Variants in CSPP1 observed in about 807,000 individuals in gnomAD.
CSPP1 encodes centrosome and spindle pole associated protein 1, also known as centrosome and spindle pole-associated protein 1.
A neutral mutation model predicts 164.4 loss-of-function variants in CSPP1; 126 were observed. That is an observed-to-expected ratio of 0.77 (90% confidence interval 0.66 to 0.89). The LOEUF is 0.89. Ranked by LOEUF, CSPP1 falls within the 40% of genes least tolerant of loss-of-function variation. CSPP1 has a pLI of 0.00. For synonymous variants in CSPP1, 472 were observed against 476.7 expected (o/e 0.99, Z 0.13); for missense variants, 1,395 against 1,449.8 (o/e 0.96, Z 0.61).
chr8:67,100,830 T>C (rs1813930369), intron 7 of CSPP1, among the ~76,000 whole-genome samples: 1 of 149,694 alleles, frequency 6.7e-6, no homozygotes, highest in South Asian at 2.1e-4. Flanking sequence ...TTATATGTAA[T>C]TTTTTTTTGG....
At chr8:67,107,572 T>C (rs1815840657) in intron 9 of CSPP1, among the ~76,000 whole-genome samples, 1 of 152,184 alleles carries the variant, frequency 6.6e-6, no homozygotes, top group Non-Finnish European at 1.5e-5. Flanking sequence ...ATGACTTACC[T>C]CCTGGTTGAT....
Position 67,195,738 on chromosome 8 carries a change from A to G in CSPP1, c.*145A>G, listed in dbSNP as rs933454236. 2 of 629,570 alleles carry G rather than the reference A, an allele frequency of 3.2e-6. No homozygotes were observed. Among genetic ancestry groups the G allele is most frequent in the South Asian group, 2.1e-5 (1 of 48,128 alleles). The allele number at this position is 629,570 out of a possible 1,614,324, so 39.0% of individuals were successfully genotyped here. On this transcript the variant is annotated 3_prime_UTR_variant, in exon 31 of 31. Coordinates refer to ENST00000678616, the MANE Select transcript of CSPP1 (RefSeq NM_001382391.1). ...TATAAAATTATTTTTATCATGATGT[A>G]TATTATGTACATAAATAAAAGGCCA... is the stretch of plus-strand genomic sequence containing the variant.
chr8:67,118,464 C>A, intron 14 of CSPP1, 95 bp downstream of exon 14: 2 of 1,289,236 alleles, frequency 1.6e-6, no homozygotes, highest in Non-Finnish European at 2.2e-6. Flanking sequence ...ATGAGAAAAG[C>A]ACAACTTTGC....
intron 7 of CSPP1, among the ~76,000 whole-genome samples, chr8:67,101,365 C>G (rs1814082631): frequency 6.6e-6 from 1 of 152,170 alleles, no homozygotes; most frequent in South Asian, 2.1e-4. Flanking sequence ...CAGGTGCCAG[C>G]CAAGGGTCAA....
intron 9 of CSPP1, among the ~76,000 whole-genome samples, chr8:67,111,098 A>G (rs973568686): frequency 6.6e-6 from 1 of 152,230 alleles, no homozygotes; most frequent in Non-Finnish European, 1.5e-5. Context: ...TAATGAAGGC[A>G]GTACAGAAAT....
rs1813441927 is a variant in CSPP1, at chr8:67,098,976, A to T, written c.923+3244A>T. On this transcript the variant is annotated intron_variant, in intron 7 of 30. Transcript: ENST00000678616. ...TCATTAGCTTCTTTTTTTTTTTTTAAAGATTAACATGTGTTCATTTTTAGG... is the reference window on the plus strand; with the variant it reads ...TCATTAGCTTCTTTTTTTTTTTTTATAGATTAACATGTGTTCATTTTTAGG... Among the ~76,000 whole-genome samples the T allele has an allele frequency of 2.0e-5, 3 of 151,592 alleles. No homozygotes were observed. In the South Asian group the frequency reaches 6.2e-4, roughly 31 times the overall value.
intron 20 of CSPP1, 73 bp downstream of exon 20, chr8:67,158,669 T>C: frequency 6.7e-7 from 1 of 1,492,870 alleles, no homozygotes; most frequent in Non-Finnish European, 8.9e-7. Flanking sequence ...AAGGTATTTC[T>C]TACTTATAAA....
chr8:67,095,670 T>TGA lies in CSPP1; in HGVS notation c.865_866dup (p.Phe290GlyfsTer39). 1 of 1,612,668 alleles carries TGA rather than the reference T, an allele frequency of 6.2e-7. No homozygotes were observed. The highest frequency in any genetic ancestry group is 8.5e-7 in the Non-Finnish European group (1 of 1,179,358). ...ATCCTGAAGTAAGTGAAGAAATGGA[T>TGA]GAGAGGTTTAGATATGAAAGTGATT... On this transcript the variant is annotated frameshift_variant, in exon 7 of 31. Transcript: ENST00000678616. LOFTEE classifies it high-confidence loss of function.
intron 15 of CSPP1, among the ~76,000 whole-genome samples, chr8:67,121,294 A>G (rs189997046): frequency 6.6e-6 from 1 of 152,276 alleles, no homozygotes; most frequent in African/African-American, 2.4e-5. Flanking sequence ...ACTGTTGTGT[A>G]TGATGTTTGC....
chr8:67,159,957 C>CCTTCCTTCT (rs1554605789), intron 21 of CSPP1, among the ~76,000 whole-genome samples: 5 of 20,020 alleles, frequency 2.5e-4, no homozygotes, highest in East Asian at 1.5e-3. Flanking sequence ...TTCCTTCCTT[C>CCTTCCTTCT]TTTCTTTTCT....
intron 1 of CSPP1, among the ~76,000 whole-genome samples, chr8:67,068,003 C>T (rs1296636698): frequency 6.6e-6 from 1 of 152,028 alleles, no homozygotes; most frequent in Non-Finnish European, 1.5e-5. Context: ...AGGTGTGCCA[C>T]CATGCCTGGC....
intron 28 of CSPP1, among the ~76,000 whole-genome samples, chr8:67,183,300 A>G (rs1385597869): frequency 6.6e-6 from 1 of 152,264 alleles, no homozygotes; most frequent in Non-Finnish European, 1.5e-5. Flanking sequence ...CCAACTGGAT[A>G]TAATGGATGT....
chr8:67,163,763 C>T lies in CSPP1; in HGVS notation c.2675C>T (p.Pro892Leu), dbSNP rs779762140. Residue 892 changes from proline to leucine, a missense_variant, in exon 23 of 31, where the codon CCG becomes CTG. Transcript: ENST00000678616. ...TCCATGTCCAGGGCACAGTCACCCC[C>T]GGTACCTGCCAGGAAAAATCAGCTC... ...ESSMSRAQSP[P>L]VPARKNQLRA... 3.5e-5 allele frequency: 57 copies of T among 1,613,548 alleles called. No homozygotes were observed. The East Asian group carries it at 4.5e-4, about 13-fold the overall frequency.
At chr8:67,067,327 A>T (rs1404818048) in intron 1 of CSPP1, among the ~76,000 whole-genome samples, 1 of 152,226 alleles carries the variant, frequency 6.6e-6, no homozygotes, top group East Asian at 1.9e-4. Flanking sequence ...GCTTATATCT[A>T]TATGATAAGC....
chr8:67,163,668 C>T, intron 22 of CSPP1, 64 bp from the exon 23 acceptor site: 1 of 1,194,028 alleles, frequency 8.4e-7, no homozygotes, highest in Non-Finnish European at 1.2e-6. Context: ...CAAAAAATTA[C>T]TCCCTTCAAG....
At chr8:67,106,361 A>G (rs1815529992) in intron 9 of CSPP1, among the ~76,000 whole-genome samples, 1 of 151,914 alleles carries the variant, frequency 6.6e-6, no homozygotes, top group African/African-American at 2.4e-5. Flanking sequence ...ATATTTTATT[A>G]GCACTCTGTT....
At chr8:67,158,647 C>A (rs1198570907) in intron 20 of CSPP1, 51 bp downstream of exon 20, 1 of 1,512,206 alleles carries the variant, frequency 6.6e-7, no homozygotes, top group African/African-American at 1.4e-5. Flanking sequence ...AAGGTGAAAT[C>A]TTTGACTTGA....
chr8:67,089,547 A>T (rs916822976), intron 4 of CSPP1, among the ~76,000 whole-genome samples: 1 of 152,148 alleles, frequency 6.6e-6, no homozygotes, highest in Non-Finnish European at 1.5e-5. Context: ...TTTTTGTCAC[A>T]GTAATTATTA....
intron 1 of CSPP1, chr8:67,065,002 C>G (rs564839446): frequency 1.0e-4 from 16 of 155,758 alleles, no homozygotes; most frequent in African/African-American, 3.8e-4. Context: ...CGGGGGCGAG[C>G]GGTTCCTTGG....
Sources: gnomAD v4.1 joint callset for allele counts (sites outside exome capture counted in the v4.1 genomes callset) on GRCh38, gnomAD v4.1.1 for gene constraint, MANE v1.5 for transcripts, NCBI Gene and HGNC (gene_info 2026-07-23, HGNC 2026-07-21) for gene names.